PRICKLE2: variants seen among roughly 807,000 people sequenced by gnomAD.
The protein encoded by PRICKLE2 is prickle planar cell polarity protein 2, also known as prickle-like protein 2.
PRICKLE2 carries 21 observed loss-of-function variants against 81.4 expected under a neutral mutation model. That is an observed-to-expected ratio of 0.26 (90% CI 0.18 to 0.37). The LOEUF is 0.37. Among genes scored for constraint, PRICKLE2 ranks in the 10% least tolerant of loss-of-function variants. The pLI, the probability that PRICKLE2 is intolerant of heterozygous loss-of-function variation, is 1.00. For missense variants in PRICKLE2, 940 were observed against 1,109.0 expected (o/e 0.85, Z 2.16); for synonymous variants, 456 against 421.5 (o/e 1.08, Z -1.00).
intron 2 of PRICKLE2, among the ~76,000 whole-genome samples, chr3:64,174,131 G>GA (rs909331271): frequency 2.2e-4 from 34 of 151,726 alleles, no homozygotes; most frequent in African/African-American, 7.7e-4. Context: ...TCTTAATAGA[G>GA]AAAAAAAAGA....
chr3:64,226,082 A>T (rs2079028087), upstream of PRICKLE2, among the ~76,000 whole-genome samples: 2 of 152,130 alleles, frequency 1.3e-5, no homozygotes, highest in Non-Finnish European at 2.9e-5. Flanking sequence ...CATGCAGAAG[A>T]AGACAAAGCA....
At chr3:64,246,283 C>T (rs1303130387) in intron 2 of PRICKLE2, among the ~76,000 whole-genome samples, 2 of 151,982 alleles carry the variant, frequency 1.3e-5, no homozygotes, top group Non-Finnish European at 2.9e-5. Context: ...ACCTCTCTTC[C>T]TTGGAAAACC....
At chr3:64,202,351 T>C (rs1246388865) in intron 1 of PRICKLE2, among the ~76,000 whole-genome samples, 1 of 152,196 alleles carries the variant, frequency 6.6e-6, no homozygotes, top group Non-Finnish European at 1.5e-5. Flanking sequence ...CTGAAGAGTA[T>C]TGCCATTTTA....
intron 2 of PRICKLE2, among the ~76,000 whole-genome samples, chr3:64,243,595 T>C (rs2079301295): frequency 6.6e-6 from 1 of 152,248 alleles, no homozygotes; most frequent in African/African-American, 2.4e-5. Flanking sequence ...TGTGAATTAT[T>C]CAACCTCTTT....
chr3:64,206,178 T>G (rs1436491602), intron 1 of PRICKLE2, among the ~76,000 whole-genome samples: 5 of 152,222 alleles, frequency 3.3e-5, no homozygotes, highest in Admixed American at 3.3e-4. Flanking sequence ...GATGTCCCAG[T>G]GACTATAATT....
At chr3:64,112,586 T>C (rs973892669) in intron 7 of PRICKLE2, among the ~76,000 whole-genome samples, 1 of 152,184 alleles carries the variant, frequency 6.6e-6, no homozygotes, top group Non-Finnish European at 1.5e-5. Flanking sequence ...AATTAATCAA[T>C]GAATGGGTGC....
chr3:64,160,372 A>G lies in PRICKLE2; in HGVS notation c.259-295T>C, dbSNP rs56899101. On this transcript the variant is annotated intron_variant, in intron 3 of 7. Coordinates refer to ENST00000638394, the MANE Select transcript of PRICKLE2 (RefSeq NM_198859.4). ...TCCTGACTGCCTCACTCTGCTCACC[A>G]TGTTAAGATCAAATCATCTGGGGTG... Among the ~76,000 whole-genome samples the G allele has an allele frequency of 2.0e-5, 3 of 152,316 alleles. No individual in the cohort carries two copies. In the East Asian group the frequency reaches 5.8e-4, roughly 29 times the overall value.
At chr3:64,166,450 T>C (rs978813581) in intron 2 of PRICKLE2, among the ~76,000 whole-genome samples, 2 of 152,078 alleles carry the variant, frequency 1.3e-5, no homozygotes, top group African/African-American at 4.8e-5. Context: ...AGTAAATAAG[T>C]CCCTTGGTGT....
intron 2 of PRICKLE2, among the ~76,000 whole-genome samples, chr3:64,231,166 C>T: frequency 6.6e-6 from 1 of 152,236 alleles, no homozygotes; most frequent in South Asian, 2.1e-4. Flanking sequence ...AATTTTAACA[C>T]AGCCTTTTAT....
At chr3:64,136,029 T>C (rs1011529015) in intron 7 of PRICKLE2, among the ~76,000 whole-genome samples, 3 of 152,168 alleles carry the variant, frequency 2.0e-5, no homozygotes, top group African/African-American at 7.2e-5. Flanking sequence ...ATTACCCTCT[T>C]TCCTATTTAA....
chr3:64,224,769 G>A (rs2079007733), intron 1 of PRICKLE2, 141 bp downstream of exon 1: 1 of 288,296 alleles, frequency 3.5e-6, no homozygotes, highest in Non-Finnish European at 5.2e-6. Context: ...GGGTCGCAGG[G>A]CCACCAAAAA....
intron 7 of PRICKLE2, among the ~76,000 whole-genome samples, chr3:64,106,670 C>T (rs62249885): frequency 0.023 from 3,481 of 152,310 alleles, 71 homozygotes; most frequent in Admixed American, 0.049. Flanking sequence ...TAATGCAAAT[C>T]AATAGAATCC....
intron 2 of PRICKLE2, among the ~76,000 whole-genome samples, chr3:64,231,290 C>T (rs1349344671): frequency 6.6e-6 from 1 of 152,116 alleles, no homozygotes; most frequent in Non-Finnish European, 1.5e-5. Context: ...TTAAAGATTG[C>T]ATCAATGATT....
At chr3:64,141,987 C>T (rs1180072384) in intron 7 of PRICKLE2, 10 of 966,050 alleles carry the variant, frequency 1.0e-5, no homozygotes, top group African/African-American at 1.8e-5. Context: ...GTTTAGAATG[C>T]TATTAAAAAA....
chr3:64,202,695 A>G (rs2078608866), intron 1 of PRICKLE2, among the ~76,000 whole-genome samples: 1 of 150,906 alleles, frequency 6.6e-6, no homozygotes, highest in South Asian at 2.1e-4. Flanking sequence ...TTTTCTATAT[A>G]TAAGACCATA....
At chr3:64,164,834 G>A (rs1328509447) in intron 2 of PRICKLE2, among the ~76,000 whole-genome samples, 1 of 152,332 alleles carries the variant, frequency 6.6e-6, no homozygotes, top group South Asian at 2.1e-4. Context: ...CAGATCACTA[G>A]TTAGTTTGGG....
chr3:64,204,834 T>C (rs998139929), intron 1 of PRICKLE2, among the ~76,000 whole-genome samples: 11 of 152,044 alleles, frequency 7.2e-5, no homozygotes, highest in African/African-American at 1.2e-4. Context: ...ATAACCTCCA[T>C]GTATAAATTG....
rs2077917533 is a variant in PRICKLE2 at position 64,170,810 on chromosome 3, G to C, written c.145-7681C>G. Among the ~76,000 whole-genome samples the C allele has an allele frequency of 2.0e-5, 3 of 151,884 alleles. No individual in the cohort carries two copies. The South Asian group carries it at 6.2e-4, about 32-fold the overall frequency. On this transcript the variant is annotated intron_variant, in intron 2 of 7. Transcript: ENST00000638394. ...GGATCACTTGAGTCTGGGAGGTTGA[G>C]GCTGCAGTGAGTGGCGAATGCGCCA... is the stretch of plus-strand genomic sequence containing the variant.
intron 2 of PRICKLE2, among the ~76,000 whole-genome samples, chr3:64,262,168 C>T (rs1175869330): frequency 6.6e-6 from 1 of 152,144 alleles, no homozygotes; most frequent in Non-Finnish European, 1.5e-5. Context: ...TTACCTCAAG[C>T]TCCTTTCTAG....
Sources: allele counts gnomAD v4.1 joint callset (sites outside exome capture counted in the v4.1 genomes callset), GRCh38; gene constraint gnomAD v4.1.1; transcripts MANE v1.5; gene names NCBI Gene and HGNC (gene_info 2026-07-23, HGNC 2026-07-21).